The following ZNF208 variants were observed in gnomAD, a reference collection of about 807,000 sequenced individuals.
ZNF208 encodes the protein zinc finger protein 95.
In ZNF208, 10 loss-of-function variants were observed where a neutral mutation model predicts 12.1. That is an observed-to-expected ratio of 0.83 (90% CI 0.51 to 1.40). ZNF208 has a LOEUF of 1.40. Ranked by LOEUF, ZNF208 falls within the 40% of genes most tolerant of loss-of-function variation. The pLI, the probability that ZNF208 is intolerant of heterozygous loss-of-function variation, is 0.00. For missense variants in ZNF208, 1,652 were observed against 1,485.0 expected (o/e 1.11, Z -1.85); for synonymous variants, 497 against 488.4 (o/e 1.02, Z -0.23).
chr19:21,988,930 T>A, intron 1 of ZNF208, 21 bp from the exon 2 acceptor site: 1 of 1,608,384 alleles, frequency 6.2e-7, no homozygotes, highest in South Asian at 1.1e-5. Flanking sequence ...CAAACACACA[T>A]ATTTATCAAC....
Position 21,971,321 on chromosome 19 carries a change from G to C in ZNF208, c.3713C>G (p.Ser1238Ter), listed in dbSNP as rs1442423313. ...AATTACCTTATGTTTAGTGAGGATT[G>C]AGAACGTACTAAAGGCTTTGCCACA... is the stretch of plus-strand genomic sequence containing the variant. ...EECGKAFSTF[S>*]ILTKHKVIHT... is the part of the protein sequence containing the mutation. Residue 1238 changes from serine to a stop codon, truncating the protein, a stop_gained, in exon 4 of 4, where the codon TCA becomes TGA. Transcript: ENST00000397126. LOFTEE classifies it low-confidence loss of function (END_TRUNC). The C allele has an allele frequency of 1.2e-6, 2 of 1,611,708 alleles. No individual in the cohort carries two copies. The highest frequency in any genetic ancestry group is 1.7e-5 in the Admixed American group (1 of 59,896).
In ZNF208 at chr19:21,973,481, A is replaced by G. The variant is rs759991085; in HGVS notation, c.1553T>C (p.Ile518Thr). 7 of 1,612,834 alleles carry G rather than the reference A, an allele frequency of 4.3e-6. No individual in the cohort carries two copies. The highest frequency in any genetic ancestry group is 5.9e-6 in the Non-Finnish European group (7 of 1,179,784). ...TTTGTAGGGTTTCTCTCCAGTATGA[A>G]TTCTCTTATGTTCCATAAGGTTTGA... ...WSSNLMEHKR[I>T]HTGEKPYKCE... is the part of the protein sequence containing the mutation. Residue 518 changes from isoleucine (I) to threonine (T), a missense_variant, in exon 4 of 4, where the codon ATT becomes ACT. Transcript: ENST00000397126.
intron 3 of ZNF208, among the ~76,000 whole-genome samples, chr19:21,981,364 A>G (rs759084903): frequency 3.9e-5 from 6 of 152,182 alleles, no homozygotes; most frequent in Non-Finnish European, 7.3e-5. Context: ...ATCCACCAAG[A>G]TCAAGTCAGG....
intron 1 of ZNF208, among the ~76,000 whole-genome samples, chr19:21,989,509 T>G (rs1329151996): frequency 2.0e-5 from 3 of 152,036 alleles, no homozygotes; most frequent in African/African-American, 7.2e-5. Flanking sequence ...TGGTTCCAAG[T>G]CTTTGCTATT....
At chr19:22,007,873 A>G (rs1971074321) in intron 1 of ZNF208, among the ~76,000 whole-genome samples, 1 of 151,794 alleles carries the variant, frequency 6.6e-6, no homozygotes, top group Non-Finnish European at 1.5e-5. Context: ...GTGTGGTGGC[A>G]GGCACCTGTA....
In ZNF208 at chr19:22,010,923, G is replaced by A. The variant is rs889464385; in HGVS notation, c.-129C>T. The A allele has an allele frequency of 2.2e-6, 3 of 1,388,084 alleles. No individual in the cohort carries two copies. In the African/African-American group the frequency reaches 4.3e-5, roughly 20 times the overall value. The allele number at this position is 1,388,084 out of a possible 1,614,324, so 86.0% of individuals were successfully genotyped here. On this transcript the variant is annotated 5_prime_UTR_variant, in exon 1 of 4. Coordinates refer to ENST00000397126, the MANE Select transcript of ZNF208 (RefSeq NM_007153.3). ...CAGTAAGGACGAGACCTTGACCTCC[G>A]GCTGCAGCGAGAGACAAAGGACCGA...
intron 1 of ZNF208, among the ~76,000 whole-genome samples, chr19:22,000,597 T>C (rs1269108447): frequency 6.6e-6 from 1 of 151,820 alleles, no homozygotes; most frequent in African/African-American, 2.4e-5. Flanking sequence ...AATCCCCAGA[T>C]CAAAAAGTTA....
At chr19:21,998,346 A>T (rs1970879159) in intron 1 of ZNF208, 1 of 151,842 alleles carries the variant, frequency 6.6e-6, no homozygotes, top group Non-Finnish European at 1.5e-5. Context: ...TTTAGTAGAG[A>T]TGGAGTTTCA....
chr19:21,959,732 C>A (rs1358015385), intron 4 of ZNF208, among the ~76,000 whole-genome samples: 1 of 152,030 alleles, frequency 6.6e-6, no homozygotes. Flanking sequence ...AACTATTGCA[C>A]AAGAAAATAG....
In ZNF208 at chr19:21,972,621, A is replaced by G. The variant is rs772196425; in HGVS notation, c.2413T>C (p.Tyr805His). ...HKRIHTDEKP[Y>H]KCEECGKTFS... Reference sequence around the variant, plus strand: ...GTTTTGCCACATTCTTCACATTTGTAGGGTTTCTCATCAGTATGAATTCTC... The same window carrying G: ...GTTTTGCCACATTCTTCACATTTGTGGGGTTTCTCATCAGTATGAATTCTC... The change falls in exon 4 of 4, where the codon TAC becomes CAC. Residue 805 changes from tyrosine (Y) to histidine (H), a missense_variant. Physicochemically the swap from Tyr to His is moderately conservative, Grantham distance 83. Transcript: ENST00000397126. The G allele has an allele frequency of 8.1e-6, 13 of 1,613,386 alleles. No individual in the cohort carries two copies. In the South Asian group the frequency reaches 1.4e-4, roughly 18 times the overall value.
chr19:21,972,734 T>G lies in ZNF208; in HGVS notation c.2300A>C (p.His767Pro). The G allele has an allele frequency of 1.3e-6, 2 of 1,589,202 alleles. No individual in the cohort carries two copies. The highest frequency in any genetic ancestry group is 1.7e-6 in the Non-Finnish European group (2 of 1,166,166). The change falls in exon 4 of 4, where the codon CAT (histidine) becomes CCT (proline). Residue 767 changes from histidine (H) to proline (P), a missense_variant. This residue lies in a region of ZNF208 where 1,239 missense variants were observed against 1,086.2 expected (regional missense o/e 1.14). Coordinates refer to ENST00000397126, the MANE Select transcript of ZNF208 (RefSeq NM_007153.3). The part of the protein sequence containing the change: ...AYKWSSTLSY[H>P]KKIHTVEKPY... ...TTTCTCTACAGTATGAATTTTCTTA[T>G]GATAACTAAGGGTTGAGGACCACTT...
In ZNF208 at chr19:21,953,412, A is replaced by G. The variant is rs185324725; in HGVS notation, c.306-20175T>C. Among the ~76,000 whole-genome samples the G allele has an allele frequency of 2.5e-3, 387 of 151,828 alleles. 6 individuals are homozygous for G. In the East Asian group the frequency reaches 0.045, roughly 18 times the overall value. On this transcript the variant is annotated intron_variant, in intron 4 of 4. Transcript: ENST00000599916. ...AAGAAAAAATGTTACGGGTAGCCAG[A>G]AAGGTCAGGTTACCCCCAAAAGGAA...
At position 21,977,488 on chromosome 19, in the gene ZNF208, T is replaced by C. The variant is rs1344760063; in HGVS notation, c.227-2681A>G. Among the ~76,000 whole-genome samples the C allele has an allele frequency of 5.3e-5, 8 of 152,070 alleles. 1 individual carries two copies. The highest frequency in any genetic ancestry group is 2.9e-5 in the Non-Finnish European group (2 of 67,994). On this transcript the variant is annotated intron_variant, in intron 3 of 3. Coordinates refer to ENST00000397126, the MANE Select transcript of ZNF208 (RefSeq NM_007153.3). Reference sequence around the variant, plus strand: ...AAGTGCAACGGGTTGGGGAACTCCCTCTCCTAGCCAAGGTAAGGGTTTAGG... The same window carrying C: ...AAGTGCAACGGGTTGGGGAACTCCCCCTCCTAGCCAAGGTAAGGGTTTAGG...
Position 21,971,653 on chromosome 19 carries a change from G to A in ZNF208, c.3381C>T (p.Ile1127=), listed in dbSNP as rs775316343. ...ECGKSFSTFS[I]LTKHKVIHTG... is the part of the protein sequence containing the mutation. ...TATGAATTACCTTATGTTTAGTAAGGATTGAGAACGTACTAAAGCTTTTGC... is the reference window on the plus strand; with the variant it reads ...TATGAATTACCTTATGTTTAGTAAGAATTGAGAACGTACTAAAGCTTTTGC... The change falls in exon 4 of 4, where the codon ATC becomes ATT. Residue 1127 remains isoleucine (I), a synonymous_variant. Coordinates refer to ENST00000397126, the MANE Select transcript of ZNF208 (RefSeq NM_007153.3). 9.9e-6 allele frequency: 16 copies of A among 1,613,382 alleles called. No individual in the cohort carries two copies. The highest frequency in any genetic ancestry group is 1.3e-5 in the Non-Finnish European group (15 of 1,179,908).
In ZNF208 at chr19:21,968,871, C is replaced by T. The variant is rs1323042277; in HGVS notation, c.*2320G>A. Among the ~76,000 whole-genome samples, 4 of 152,086 alleles carry T rather than the reference C, an allele frequency of 2.6e-5. No homozygotes were observed. The highest frequency in any genetic ancestry group is 6.6e-5 in the Admixed American group (1 of 15,244). On this transcript the variant is annotated 3_prime_UTR_variant, in exon 4 of 4. Transcript: ENST00000397126. ...ATACAATGTCATTATACATTTTATA[C>T]ATTTTTGCTCTGCTAAAGACTTCTG...
intron 3 of ZNF208, among the ~76,000 whole-genome samples, chr19:21,980,581 A>AG (rs1970519726): frequency 6.6e-6 from 1 of 152,030 alleles, no homozygotes; most frequent in African/African-American, 2.4e-5. Flanking sequence ...TGTCTAGAAA[A>AG]TATATAGCAC....
intron 4 of ZNF208, among the ~76,000 whole-genome samples, chr19:21,952,631 C>CA (rs1969908205): frequency 6.6e-6 from 1 of 152,042 alleles, no homozygotes; most frequent in South Asian, 2.1e-4. Flanking sequence ...GCAACATCAG[C>CA]AAAAAGGATA....
rs554390876 is a variant in ZNF208 at position 21,972,671 on chromosome 19, C to T, written c.2363G>A (p.Arg788Gln). 95 of 1,609,172 alleles carry T rather than the reference C, an allele frequency of 5.9e-5. No individual in the cohort carries two copies. In the Middle Eastern group the frequency reaches 6.7e-4, roughly 11 times the overall value. The change falls in exon 4 of 4, where the codon CGA becomes CAA. Residue 788 changes from arginine (R) to glutamine (Q), a missense_variant. This residue lies in a region of ZNF208 where 1,239 missense variants were observed against 1,086.2 expected (regional missense o/e 1.14). Coordinates refer to ENST00000397126, the MANE Select transcript of ZNF208 (RefSeq NM_007153.3). The stretch of plus-strand genomic sequence containing the variant: ...CTTATGTTTAATAAGGATTGCAGAT[C>T]GGTTAAAAGCTTTGCCACATTCTTC... ...KCEECGKAFN[R>Q]SAILIKHKRI...
At chr19:21,965,634 C>T (rs868256813), downstream of ZNF208, 1 of 151,982 alleles carries the variant, frequency 6.6e-6, no homozygotes, top group African/African-American at 2.4e-5. Context: ...ATGGAATGAG[C>T]ATTTGCAGCA....
Sources: gnomAD v4.1 joint callset for allele counts (sites outside exome capture counted in the v4.1 genomes callset) on GRCh38, gnomAD v4.1.1 for gene constraint, gnomAD v4.1.1 regional missense constraint, MANE v1.5 for transcripts, NCBI Gene and HGNC (gene_info 2026-07-23, HGNC 2026-07-21) for gene names.